The following LGMN variants were observed in gnomAD, a reference collection of about 807,000 sequenced individuals.
LGMN encodes asparaginyl endopeptidase.
A neutral mutation model predicts 56.8 loss-of-function variants in LGMN; 36 were observed. The observed-to-expected ratio is 0.63, with a 90% CI of 0.49 to 0.84. LGMN has a LOEUF of 0.84. Among genes scored for constraint, LGMN ranks in the 40% least tolerant of loss-of-function variants. The pLI is 0.00. For missense variants in LGMN, 446 were observed against 556.1 expected, an observed-to-expected ratio of 0.80 and a Z score of 1.99; for synonymous variants, 199 against 210.1, an observed-to-expected ratio of 0.95 and a Z score of 0.46.
At chr14:92,704,602 G>A in intron 13 of LGMN, 38 bp downstream of exon 13, 1 of 1,544,686 alleles carries the variant, frequency 6.5e-7, no homozygotes, top group South Asian at 1.1e-5. Context: ...CTTTCAGAAT[G>A]ACATCGACCT....
Position 92,704,062 on chromosome 14 carries a change from A to G in LGMN, c.*257T>C, listed in dbSNP as rs1355812240. ...TCAAAACTAACAGGCAAAACAACAA[A>G]CCTCCTAGAAAGCAAATATGACCCT... On this transcript the variant is annotated 3_prime_UTR_variant, in exon 14 of 14. Transcript: ENST00000334869. The G allele has an allele frequency of 1.4e-6, 1 of 701,032 alleles. No homozygotes were observed. The highest frequency in any genetic ancestry group is 2.6e-6 in the Non-Finnish European group (1 of 385,134). 43.4% of individuals were successfully genotyped at this position (701,032 alleles called of 1,614,324 possible). A position where few individuals can be genotyped will look rare whatever the true frequency, so the allele number is the denominator to read the frequency against.
intron 2 of LGMN, among the ~76,000 whole-genome samples, chr14:92,724,031 G>A (rs1196938856): frequency 1.3e-5 from 2 of 152,146 alleles, no homozygotes; most frequent in African/African-American, 4.8e-5. Context: ...CACCCGGCCT[G>A]CCCAAAGGAT....
chr14:92,726,962 A>G (rs1297105852), intron 2 of LGMN, among the ~76,000 whole-genome samples: 1 of 152,240 alleles, frequency 6.6e-6, no homozygotes, highest in Non-Finnish European at 1.5e-5. Flanking sequence ...CATGGCTCCA[A>G]GAAAAGATGT....
chr14:92,722,292 C>T (rs769196138), intron 2 of LGMN, among the ~76,000 whole-genome samples: 1 of 151,934 alleles, frequency 6.6e-6, no homozygotes, highest in Non-Finnish European at 1.5e-5. Context: ...TGAAGTCAGG[C>T]CAGGCGCAGT....
intron 2 of LGMN, among the ~76,000 whole-genome samples, chr14:92,728,965 G>A (rs1890885779): frequency 6.6e-6 from 1 of 152,096 alleles, no homozygotes; most frequent in Non-Finnish European, 1.5e-5. Flanking sequence ...TTAGTCAAGG[G>A]CAGCCTTCTT....
At position 92,742,292 on chromosome 14, in the gene LGMN, C is replaced by CTTTTT. The variant is rs756259014; in HGVS notation, c.-30+6192_-30+6196dup. On this transcript the variant is annotated intron_variant, in intron 1 of 13. Coordinates refer to ENST00000334869, the MANE Select transcript of LGMN (RefSeq NM_005606.7). ...AAATGTCTTGCTGTTTTTTGTTTTG[C>CTTTTT]TTTTTTTTTTTTTCTTTTTTTTTGA... is the stretch of plus-strand genomic sequence containing the variant. Among the ~76,000 whole-genome samples, 24 of 84,002 alleles carry CTTTTT rather than the reference C, an allele frequency of 2.9e-4. 4 individuals carry two copies. Among genetic ancestry groups the CTTTTT allele is most frequent in the Admixed American group, 5.3e-4 (4 of 7,560 alleles). 55.1% of individuals were successfully genotyped at this position (84,002 alleles called of 152,430 possible). A position where few individuals can be genotyped will look rare whatever the true frequency, so the allele number is the denominator to read the frequency against.
intron 1 of LGMN, among the ~76,000 whole-genome samples, chr14:92,746,327 G>T (rs1891818714): frequency 6.6e-6 from 1 of 152,048 alleles, no homozygotes; most frequent in African/African-American, 2.4e-5. Flanking sequence ...GATAAACTGG[G>T]ATTCCAATTA....
chr14:92,724,749 G>GATAGGGCAACTGTCCCT (rs1323739610), intron 2 of LGMN, among the ~76,000 whole-genome samples: 3 of 152,192 alleles, frequency 2.0e-5, no homozygotes, highest in Non-Finnish European at 4.4e-5. Flanking sequence ...GTGATTTGCC[G>GATAGGGCAACTGTCCCT]ATAGGGCAAC....
chr14:92,732,098 T>C (rs1183743267), intron 2 of LGMN, among the ~76,000 whole-genome samples: 2 of 152,170 alleles, frequency 1.3e-5, no homozygotes, highest in Non-Finnish European at 2.9e-5. Flanking sequence ...TGGTCCCCAC[T>C]TGCCATGTGA....
At chr14:92,741,331 G>A (rs1234653519) in intron 1 of LGMN, 2 of 152,178 alleles carry the variant, frequency 1.3e-5, no homozygotes, top group African/African-American at 4.8e-5. Context: ...CAAGTTCACA[G>A]GGCCATCTAA....
intron 1 of LGMN, among the ~76,000 whole-genome samples, chr14:92,737,708 T>C (rs1271053273): frequency 6.6e-6 from 1 of 152,258 alleles, no homozygotes; most frequent in Non-Finnish European, 1.5e-5. Context: ...TACCAGATCT[T>C]GCTCTTGTTA....
At chr14:92,721,861 T>G (rs1890495793) in intron 2 of LGMN, among the ~76,000 whole-genome samples, 1 of 152,164 alleles carries the variant, frequency 6.6e-6, no homozygotes, top group South Asian at 2.1e-4. Flanking sequence ...CCCACCACTA[T>G]GCAATGTATC....
At chr14:92,736,875 A>T (rs1891331444) in intron 1 of LGMN, among the ~76,000 whole-genome samples, 1 of 152,280 alleles carries the variant, frequency 6.6e-6, no homozygotes, top group African/African-American at 2.4e-5. Context: ...GCAATTATAC[A>T]AACTTGTGAA....
At chr14:92,729,485 C>T (rs986624691) in intron 2 of LGMN, among the ~76,000 whole-genome samples, 1 of 126,610 alleles carries the variant, frequency 7.9e-6, no homozygotes, top group African/African-American at 3.0e-5. Context: ...CCCCCGCCCC[C>T]GTTAAACACT....
rs895512862 is a variant in LGMN at position 92,714,758 on chromosome 14, T to C, written c.405-307A>G. 2.0e-5 allele frequency among the ~76,000 whole-genome samples: 3 copies of C among 152,124 alleles called. No individual in the cohort carries two copies. Among genetic ancestry groups the C allele is most frequent in the African/African-American group, 7.2e-5 (3 of 41,418 alleles). ...GTGTGAGGTGGATAGTGGGGTCCTT[T>C]GGCAATTGGGCCTCATCCCAGGCAG... is the stretch of plus-strand genomic sequence containing the variant. On this transcript the variant is annotated intron_variant, in intron 5 of 13. Transcript: ENST00000334869. This position sits in a 1 kb window ranked among gnomAD's most constrained non-coding sequence, Gnocchi z 5.1.
chr14:92,706,519 G>A lies in LGMN; in HGVS notation c.1155C>T (p.His385=). Residue 385 remains histidine, a synonymous_variant, in exon 12 of 14, where the codon CAC becomes CAT. Coordinates refer to ENST00000334869, the MANE Select transcript of LGMN (RefSeq NM_005606.7). ...GCCAGTTGAAGCAGTGGGTCCGGAAGTGCAGCAGGGCCTCTGGGTAGCAGC... is the reference window on the plus strand; with the variant it reads ...GCCAGTTGAAGCAGTGGGTCCGGAAATGCAGCAGGGCCTCTGGGTAGCAGC... ...GHSCYPEALL[H]FRTHCFNWHS... is the part of the protein sequence containing the mutation. 6.3e-7 allele frequency: 1 copy of A among 1,584,160 alleles called. No individual in the cohort carries two copies. The highest frequency in any genetic ancestry group is 8.6e-7 in the Non-Finnish European group (1 of 1,156,968).
intron 1 of LGMN, among the ~76,000 whole-genome samples, chr14:92,739,648 G>T (rs1218141643): frequency 6.6e-6 from 1 of 152,190 alleles, no homozygotes; most frequent in Non-Finnish European, 1.5e-5. Flanking sequence ...GGCAGGAGAG[G>T]GAGGGAGTCC....
chr14:92,720,365 G>A (rs1432081561), intron 2 of LGMN, among the ~76,000 whole-genome samples: 1 of 152,222 alleles, frequency 6.6e-6, no homozygotes, highest in Non-Finnish European at 1.5e-5. Context: ...CAGAGTTCAA[G>A]TGAAAGATCC....
intron 2 of LGMN, among the ~76,000 whole-genome samples, chr14:92,723,203 C>T (rs139685376): frequency 1.3e-3 from 191 of 152,162 alleles, no homozygotes; most frequent in African/African-American, 4.3e-3. Flanking sequence ...AGCACCACCA[C>T]ACCTGGCTAA....
Sources: allele counts gnomAD v4.1 joint callset (sites outside exome capture counted in the v4.1 genomes callset), GRCh38; gene constraint gnomAD v4.1.1; non-coding constraint Gnocchi (gnomAD v3.1); transcripts MANE v1.5; gene names NCBI Gene and HGNC (gene_info 2026-07-23, HGNC 2026-07-21).